Variants in GAS2 observed in about 807,000 individuals in gnomAD.
GAS2 encodes growth arrest specific 2.
Under a neutral mutation model 37.5 loss-of-function variants are expected in GAS2, and 20 were observed. That is an observed-to-expected ratio of 0.53 (90% CI 0.37 to 0.77). The LOEUF is 0.77. Ranked by LOEUF, GAS2 falls within the 30% of genes least tolerant of loss-of-function variation. GAS2 has a pLI of 0.00. For synonymous variants in GAS2, 144 were observed against 132.2 expected, an observed-to-expected ratio of 1.09 and a Z score of -0.61; for missense variants, 336 against 373.4, an observed-to-expected ratio of 0.90 and a Z score of 0.82.
intron 1 of GAS2, among the ~76,000 whole-genome samples, chr11:22,640,536 G>T (rs910783601): frequency 6.6e-6 from 1 of 152,050 alleles, no homozygotes; most frequent in Non-Finnish European, 1.5e-5. Flanking sequence ...AGTCAATGGA[G>T]ATTCTCAAGC....
chr11:22,721,905 T>TG (rs149273606), intron 3 of GAS2, among the ~76,000 whole-genome samples: 2,111 of 152,124 alleles, frequency 0.014, 43 homozygotes, highest in African/African-American at 0.048. Context: ...ATATTCAGTA[T>TG]TTTTTACTTG....
intron 7 of GAS2, among the ~76,000 whole-genome samples, chr11:22,756,503 G>A (rs1036567596): frequency 1.3e-5 from 2 of 152,062 alleles, no homozygotes; most frequent in Non-Finnish European, 2.9e-5. Context: ...ATTTGAATAC[G>A]TACATCTAGT....
chr11:22,714,284 C>G (rs1475309103), intron 3 of GAS2, among the ~76,000 whole-genome samples: 2 of 152,072 alleles, frequency 1.3e-5, no homozygotes, highest in Non-Finnish European at 2.9e-5. Context: ...TAAAGAGGGA[C>G]ATTATATAAT....
rs1356309465 is a variant in GAS2 at position 22,748,550 on chromosome 11, T to A, written c.474-570T>A. Among the ~76,000 whole-genome samples, 3 of 152,108 alleles carry A rather than the reference T, an allele frequency of 2.0e-5. No homozygotes were observed. The East Asian group carries it at 5.8e-4, about 29-fold the overall frequency. ...TATGCTCAGTTGTTTCCCAAAACAATATATATGCTTTCATTATGCTATTCC... is the reference window on the plus strand; with the variant it reads ...TATGCTCAGTTGTTTCCCAAAACAAAATATATGCTTTCATTATGCTATTCC... On this transcript the variant is annotated intron_variant, in intron 5 of 7. Transcript: ENST00000454584.
chr11:22,667,595 C>A (rs1213997159), intron 1 of GAS2, among the ~76,000 whole-genome samples: 3 of 152,128 alleles, frequency 2.0e-5, no homozygotes, highest in Non-Finnish European at 2.9e-5. Context: ...GTTTGGGGAA[C>A]AAAGGAGGCA....
intron 3 of GAS2, among the ~76,000 whole-genome samples, chr11:22,694,163 A>T: frequency 6.6e-6 from 1 of 152,262 alleles, no homozygotes; most frequent in Non-Finnish European, 1.5e-5. Context: ...TGAACTTAAA[A>T]TAAAAGTTAA....
At chr11:22,638,638 A>G (rs889446011) in intron 1 of GAS2, among the ~76,000 whole-genome samples, 2 of 152,112 alleles carry the variant, frequency 1.3e-5, no homozygotes, top group African/African-American at 4.8e-5. Context: ...GAGCCGTTGC[A>G]CGCAGCTTGC....
rs770266716 is a variant in GAS2 at position 22,674,860 on chromosome 11, T to C, written c.-10T>C. The C allele has an allele frequency of 8.9e-6, 14 of 1,568,988 alleles. No homozygotes were observed. Among genetic ancestry groups the C allele is most frequent in the Non-Finnish European group, 1.2e-5 (14 of 1,159,514 alleles). ...TTGTTTCCAAAACAGGTATTACAAGTGGATAAATAATGTGCACTGCTCTGA... is the reference window on the plus strand; with the variant it reads ...TTGTTTCCAAAACAGGTATTACAAGCGGATAAATAATGTGCACTGCTCTGA... On this transcript the variant is annotated 5_prime_UTR_variant, in exon 2 of 8. Transcript: ENST00000454584.
At chr11:22,627,226 C>T (rs1858674139) in intron 1 of GAS2, among the ~76,000 whole-genome samples, 1 of 152,196 alleles carries the variant, frequency 6.6e-6, no homozygotes, top group Admixed American at 6.5e-5. Context: ...AGTGTGCAGC[C>T]TGCCTTTAGC....
intron 1 of GAS2, among the ~76,000 whole-genome samples, chr11:22,651,136 T>C (rs1215686540): frequency 1.3e-5 from 2 of 151,812 alleles, no homozygotes; most frequent in Non-Finnish European, 3.0e-5. Flanking sequence ...TCTCTCAGCA[T>C]TTGCTTATCT....
chr11:22,652,876 C>T (rs1005653527), intron 1 of GAS2, among the ~76,000 whole-genome samples: 4 of 152,200 alleles, frequency 2.6e-5, no homozygotes, highest in Admixed American at 2.0e-4. Context: ...AAAAATCACC[C>T]GTCTTCTGCG....
chr11:22,744,245 A>G (rs1381845489), intron 5 of GAS2, among the ~76,000 whole-genome samples: 1 of 152,128 alleles, frequency 6.6e-6, no homozygotes, highest in Non-Finnish European at 1.5e-5. Flanking sequence ...TACCTATTCT[A>G]CTGAAACTAT....
chr11:22,730,379 T>G (rs957611474), intron 4 of GAS2, among the ~76,000 whole-genome samples: 1 of 151,782 alleles, frequency 6.6e-6, no homozygotes, highest in Non-Finnish European at 1.5e-5. Context: ...CATCAGTATA[T>G]TAAAAGGATT....
chr11:22,812,290 A>G lies in GAS2; in HGVS notation c.*274A>G. ...ATGCGAACACAGTATTTAGAACACA[A>G]TATTAGAAACACAATTCTAACTAAA... is the stretch of plus-strand genomic sequence containing the variant. On this transcript the variant is annotated 3_prime_UTR_variant, in exon 8 of 8. Coordinates refer to ENST00000454584, the MANE Select transcript of GAS2 (RefSeq NM_001143830.3). The G allele has an allele frequency of 3.2e-6, 1 of 312,044 alleles. No individual in the cohort carries two copies. The highest frequency in any genetic ancestry group is 6.4e-5 in the East Asian group (1 of 15,678). 19.3% of individuals were successfully genotyped at this position (312,044 alleles called of 1,614,324 possible). A position where few individuals can be genotyped will look rare whatever the true frequency, so the allele number is the denominator to read the frequency against.
chr11:22,649,301 C>T (rs1279677399), intron 1 of GAS2, among the ~76,000 whole-genome samples: 3 of 152,020 alleles, frequency 2.0e-5, no homozygotes, highest in African/African-American at 7.2e-5. Flanking sequence ...TTTTGATGTG[C>T]TGCTGGATTC....
rs142205867 is a variant in GAS2, at chr11:22,755,568, T to C, written c.616-278T>C. On this transcript the variant is annotated intron_variant, in intron 6 of 7. Coordinates refer to ENST00000454584, the MANE Select transcript of GAS2 (RefSeq NM_001143830.3). ...TAGGAACCCAGCTGATTATGTATAGTCTATAATTTCAGTTGGTTTCCTGCT... is the reference window on the plus strand; with the variant it reads ...TAGGAACCCAGCTGATTATGTATAGCCTATAATTTCAGTTGGTTTCCTGCT... 2.4e-3 allele frequency: 658 copies of C among 275,958 alleles called. 6 individuals are homozygous for C. Among genetic ancestry groups the C allele is most frequent in the African/African-American group, 0.011 (513 of 45,712 alleles). The allele number at this position is 275,958 out of a possible 1,614,324, so 17.1% of individuals were successfully genotyped here. A position where few individuals can be genotyped will look rare whatever the true frequency, so the allele number is the denominator to read the frequency against.
chr11:22,714,347 C>T (rs561556366), intron 3 of GAS2, among the ~76,000 whole-genome samples: 1 of 152,172 alleles, frequency 6.6e-6, no homozygotes, highest in South Asian at 2.1e-4. Flanking sequence ...TACATATGCA[C>T]CTAACATGGG....
intron 2 of GAS2, among the ~76,000 whole-genome samples, chr11:22,683,651 C>T (rs380792): frequency 0.41 from 55,845 of 137,506 alleles, 11,287 homozygotes; most frequent in African/African-American, 0.56. Flanking sequence ...TGGTATAAAA[C>T]TTTAAAATAA....
Position 22,631,831 on chromosome 11 carries a change from A to T in GAS2, c.-21+6018A>T, listed in dbSNP as rs1370425050. Among the ~76,000 whole-genome samples, 4 of 151,810 alleles carry T rather than the reference A, an allele frequency of 2.6e-5. No individual in the cohort carries two copies. In the East Asian group the frequency reaches 7.7e-4, roughly 29 times the overall value. On this transcript the variant is annotated intron_variant, in intron 1 of 5. Coordinates refer to the GAS2 transcript ENST00000528582. The stretch of plus-strand genomic sequence containing the variant: ...TTGGTTTCAGGGTGATACTGTCTTC[A>T]TATGATATAGGGAGGATTCCCTCTT...
Sources: allele counts gnomAD v4.1 joint callset (sites outside exome capture counted in the v4.1 genomes callset), GRCh38; gene constraint gnomAD v4.1.1; transcripts MANE v1.5; gene names NCBI Gene and HGNC (gene_info 2026-07-23, HGNC 2026-07-21).